The following GAREM2 variants were observed in gnomAD, a reference collection of about 807,000 sequenced individuals.
GAREM2 encodes the protein GRB2 associated regulator of MAPK1 subtype 2, also known as GRB2-associated and regulator of MAPK protein 2.
GAREM2 carries 30 observed loss-of-function variants against 55.6 expected under a neutral mutation model. The ratio of observed to expected loss-of-function variants is 0.54; its 90% confidence interval spans 0.40 to 0.73. The LOEUF (loss-of-function observed/expected upper bound fraction) is 0.73. GAREM2 is among the 30% of genes least tolerant of loss of function. The pLI is 0.00. For missense variants in GAREM2, 1,075 were observed against 1,257.7 expected, an observed-to-expected ratio of 0.85 and a Z score of 2.20; for synonymous variants, 550 against 569.1, an observed-to-expected ratio of 0.97 and a Z score of 0.48.
chr2:26,204,140 A>G, the GAREM2 span: 3 of 1,613,562 alleles, frequency 1.9e-6, no homozygotes, highest in Non-Finnish European at 2.5e-6. Context: ...CCCCTTATCC[A>G]CGGAGACTTG....
chr2:26,191,670 G>A (rs1669509816), downstream of GAREM2: 1 of 1,607,720 alleles, frequency 6.2e-7, no homozygotes, highest in East Asian at 2.2e-5. Flanking sequence ...AAGAGGAAAA[G>A]GGGAGGAAAG....
At chr2:26,191,993 C>T (rs1217822838), downstream of GAREM2, among the ~76,000 whole-genome samples, 1 of 152,164 alleles carries the variant, frequency 6.6e-6, no homozygotes, top group Non-Finnish European at 1.5e-5. Context: ...CCAGAGAAGG[C>T]TGGAGCAGGG....
intron 1 of GAREM2, among the ~76,000 whole-genome samples, chr2:26,174,115 A>C (rs544730975): frequency 1.3e-5 from 2 of 152,214 alleles, no homozygotes; most frequent in African/African-American, 4.8e-5. Flanking sequence ...GTGTGTGAGA[A>C]GAATAGGGGT....
chr2:26,175,036 C>A (rs1668816030), intron 1 of GAREM2, among the ~76,000 whole-genome samples: 1 of 152,046 alleles, frequency 6.6e-6, no homozygotes, highest in Admixed American at 6.5e-5. Context: ...TAGTGGGGGC[C>A]AGGCCCTTCC....
At chr2:26,201,818 G>A in the GAREM2 span, among the ~76,000 whole-genome samples, 1 of 150,818 alleles carries the variant, frequency 6.6e-6, no homozygotes, top group Non-Finnish European at 1.5e-5. Context: ...TTTTTGAGAC[G>A]GAGTCTCGCT....
downstream of GAREM2, among the ~76,000 whole-genome samples, chr2:26,194,349 C>T (rs1317895740): frequency 6.6e-6 from 1 of 152,078 alleles, no homozygotes; most frequent in Admixed American, 6.5e-5. Context: ...CTTGCTGGAA[C>T]AGTGAGGAGG....
chr2:26,190,128 C>T (rs115953884), downstream of GAREM2, among the ~76,000 whole-genome samples: 1,294 of 152,306 alleles, frequency 8.5e-3, 19 homozygotes, highest in African/African-American at 0.027. Flanking sequence ...TTCCTAGTGA[C>T]CAAGCAGAGC....
At chr2:26,194,466 G>C, downstream of GAREM2, 3 of 790,444 alleles carry the variant, frequency 3.8e-6, no homozygotes, top group Non-Finnish European at 4.5e-6. Context: ...AAGAGCAGGA[G>C]TTGGTGTATC....
chr2:26,185,113 CGCCGCCCGCCGA>C lies in GAREM2; in HGVS notation c.1267_1278del (p.Pro423_Glu426del). The C allele has an allele frequency of 3.5e-6, 5 of 1,446,954 alleles. No homozygotes were observed. The highest frequency in any genetic ancestry group is 2.4e-4 in the Middle Eastern group (1 of 4,140). 89.6% of individuals were successfully genotyped at this position (1,446,954 alleles called of 1,614,324 possible). ...TGGGCAGCCGCGCCCGAGCCCGCCGCGCCGCCCGCCGAGATCCCCTACGAGGAGTTGTGGGCG... is the reference window on the plus strand; with the variant it reads ...TGGGCAGCCGCGCCCGAGCCCGCCGCGATCCCCTACGAGGAGTTGTGGGCG... On this transcript the variant is annotated inframe_deletion, in exon 4 of 6. Coordinates refer to ENST00000401533, the MANE Select transcript of GAREM2 (RefSeq NM_001168241.2).
chr2:26,194,071 C>T (rs969044789), downstream of GAREM2, among the ~76,000 whole-genome samples: 6 of 152,198 alleles, frequency 3.9e-5, no homozygotes, highest in African/African-American at 9.7e-5. Flanking sequence ...GCATGACAGA[C>T]GGCTGAGTGT....
Position 26,186,274 on chromosome 2 carries a change from C to T in GAREM2, c.1514C>T (p.Pro505Leu), listed in dbSNP as rs757977775. Reference protein sequence around the residue: ...NGSGRLSSSPPVPPRFPKLQP... With the variant: ...NGSGRLSSSPLVPPRFPKLQP... ...AGCGGCCGGCTCTCCAGCAGCCCCC[C>T]GGTTCCCCCTCGCTTCCCCAAGCTG... is the stretch of plus-strand genomic sequence containing the variant. Residue 505 changes from proline (P) to leucine (L), a missense_variant, in exon 5 of 6, where the codon CCG (proline) becomes CTG (leucine). Transcript: ENST00000401533. The T allele has an allele frequency of 2.4e-5, 37 of 1,550,688 alleles. No homozygotes were observed. Among genetic ancestry groups the T allele is most frequent in the East Asian group, 2.4e-5 (1 of 40,906 alleles).
At chr2:26,202,433 A>G in the GAREM2 span, among the ~76,000 whole-genome samples, 2 of 152,144 alleles carry the variant, frequency 1.3e-5, no homozygotes, top group East Asian at 3.9e-4. Context: ...GATAAATACA[A>G]AGGAGTATTC....
chr2:26,173,418 G>A, intron 1 of GAREM2, 86 bp downstream of exon 1: 1 of 717,506 alleles, frequency 1.4e-6, no homozygotes, highest in East Asian at 3.6e-5. Context: ...CGTGAGGAGG[G>A]TGCGGCACCC....
In GAREM2 at chr2:26,188,401, G is replaced by A; in HGVS notation, c.*144G>A. On this transcript the variant is annotated 3_prime_UTR_variant, in exon 6 of 6. Transcript: ENST00000401533. ...GCCACTGGGTGGATCCAGGGGAGAT[G>A]CATGTGGAAATGTGGTCCTCTGGGG... The A allele has an allele frequency of 1.7e-6, 1 of 589,032 alleles. No homozygotes were observed. The highest frequency in any genetic ancestry group is 2.7e-6 in the Non-Finnish European group (1 of 364,352). The allele number at this position is 589,032 out of a possible 1,614,324, so 36.5% of individuals were successfully genotyped here.
At chr2:26,199,051 T>C in the GAREM2 span, among the ~76,000 whole-genome samples, 2 of 152,250 alleles carry the variant, frequency 1.3e-5, no homozygotes, top group African/African-American at 4.8e-5. Flanking sequence ...CCTGCCACCA[T>C]GCCTGGCTAA....
downstream of GAREM2, chr2:26,192,278 T>C: frequency 8.9e-7 from 1 of 1,125,582 alleles, no homozygotes; most frequent in Non-Finnish European, 1.4e-6. Flanking sequence ...AGAAAGTCAA[T>C]TTCCAGGCAT....
At chr2:26,199,929 CA>C in the GAREM2 span, among the ~76,000 whole-genome samples, 1 of 152,132 alleles carries the variant, frequency 6.6e-6, no homozygotes, top group African/African-American at 2.4e-5. Flanking sequence ...GCCTTGAAAT[CA>C]ATGGACTTAA....
At position 26,186,236 on chromosome 2, in the gene GAREM2, G is replaced by C. The variant is rs764552146; in HGVS notation, c.1476G>C (p.Arg492=). The C allele has an allele frequency of 2.9e-5, 45 of 1,547,502 alleles. No individual in the cohort carries two copies. Among genetic ancestry groups the C allele is most frequent in the South Asian group, 2.6e-4 (22 of 83,536 alleles). ...TCAATGCCCCTCCAGTGCCTCCCCG[G>C]GGTGGCAATGGCAGCGGCCGGCTCT... ...RLLNAPPVPP[R]GGNGSGRLSS... The change falls in exon 5 of 6, where the codon CGG becomes CGC. Residue 492 remains arginine, a synonymous_variant. Transcript: ENST00000401533.
At chr2:26,182,438 G>A in intron 2 of GAREM2, 3 of 1,550,488 alleles carry the variant, frequency 1.9e-6, no homozygotes, top group Non-Finnish European at 1.7e-6. Flanking sequence ...GGTTGGCCCA[G>A]TGCCACCTCC....
Sources: allele counts gnomAD v4.1 joint callset (sites outside exome capture counted in the v4.1 genomes callset), GRCh38; gene constraint gnomAD v4.1.1; transcripts MANE v1.5; gene names NCBI Gene and HGNC (gene_info 2026-07-23, HGNC 2026-07-21).